Variants in NR3C2 observed in about 807,000 individuals in gnomAD.
NR3C2 encodes nuclear receptor subfamily 3 group C member 2.
NR3C2 carries 15 observed loss-of-function variants against 86.4 expected under a neutral mutation model. The ratio of observed to expected loss-of-function variants is 0.17; its 90% confidence interval spans 0.12 to 0.27. The LOEUF is 0.27. Among genes scored for constraint, NR3C2 ranks in the 10% least tolerant of loss-of-function variants. The pLI, the probability that NR3C2 is intolerant of heterozygous loss-of-function variation, is 1.00. For missense variants in NR3C2, 960 were observed against 1,195.6 expected (o/e 0.80, Z 2.91); for synonymous variants, 458 against 450.5 (o/e 1.02, Z -0.21).
intron 2 of NR3C2, among the ~76,000 whole-genome samples, chr4:148,422,657 TC>T (rs1444298762): frequency 2.6e-5 from 4 of 152,164 alleles, no homozygotes; most frequent in African/African-American, 9.7e-5. Context: ...CAAGCCTAGA[TC>T]TTGTATGCAT....
intron 3 of NR3C2, among the ~76,000 whole-genome samples, chr4:148,237,829 A>C (rs1463631497): frequency 6.6e-6 from 1 of 152,186 alleles, no homozygotes; most frequent in African/African-American, 2.4e-5. Flanking sequence ...ACCATTTCTG[A>C]ATGAACTTCC....
chr4:148,395,621 A>C (rs1747820277), intron 2 of NR3C2, among the ~76,000 whole-genome samples: 1 of 152,270 alleles, frequency 6.6e-6, no homozygotes, highest in African/African-American at 2.4e-5. Flanking sequence ...TCAGGCTATT[A>C]GAGCTTATTT....
intron 2 of NR3C2, among the ~76,000 whole-genome samples, chr4:148,338,051 C>G (rs549023645): frequency 6.6e-6 from 1 of 152,030 alleles, no homozygotes; most frequent in African/African-American, 2.4e-5. Context: ...TTAAATAAAA[C>G]GGGTCTCATT....
At chr4:148,194,942 A>T in intron 3 of NR3C2, 80 bp from the exon 4 acceptor site, 5 of 1,016,632 alleles carry the variant, frequency 4.9e-6, no homozygotes, top group Non-Finnish European at 7.6e-6. Flanking sequence ...AGAATATAAA[A>T]CTACTTCTTT....
chr4:148,145,674 G>A (rs1318410018), intron 6 of NR3C2, among the ~76,000 whole-genome samples: 2 of 152,206 alleles, frequency 1.3e-5, no homozygotes, highest in Non-Finnish European at 2.9e-5. Context: ...GCCACCTGCA[G>A]GGGGGTGCTG....
chr4:148,196,645 A>C (rs928507667), intron 3 of NR3C2, among the ~76,000 whole-genome samples: 9 of 152,236 alleles, frequency 5.9e-5, no homozygotes, highest in Non-Finnish European at 1.3e-4. Flanking sequence ...TGCATCACTT[A>C]ATGTAATTAA....
chr4:148,138,362 CAT>C (rs1369723175), intron 6 of NR3C2, among the ~76,000 whole-genome samples: 1 of 152,068 alleles, frequency 6.6e-6, no homozygotes, highest in Non-Finnish European at 1.5e-5. Context: ...TTGTGTTGTT[CAT>C]ATATTGGGTA....
At chr4:148,370,913 T>C (rs957966526) in intron 2 of NR3C2, among the ~76,000 whole-genome samples, 1 of 151,980 alleles carries the variant, frequency 6.6e-6, no homozygotes, top group Non-Finnish European at 1.5e-5. Context: ...TGGAGTACAG[T>C]AGCTATTCAG....
At chr4:148,330,192 A>T (rs1246982406) in intron 2 of NR3C2, among the ~76,000 whole-genome samples, 1 of 152,218 alleles carries the variant, frequency 6.6e-6, no homozygotes, top group Non-Finnish European at 1.5e-5. Flanking sequence ...CATAAGACTC[A>T]GCAAATAGTA....
intron 3 of NR3C2, among the ~76,000 whole-genome samples, chr4:148,248,877 C>T (rs1739441372): frequency 2.0e-5 from 3 of 152,142 alleles, no homozygotes; most frequent in South Asian, 2.1e-4. Flanking sequence ...TTATAAAGCA[C>T]TCCCTTGCTG....
intron 8 of NR3C2, among the ~76,000 whole-genome samples, chr4:148,104,342 G>GTTTTT (rs57175085): frequency 4.4e-4 from 28 of 63,778 alleles, no homozygotes; most frequent in Non-Finnish European, 6.5e-4. Context: ...TTTTGGTTTG[G>GTTTTT]TTTTTTTTTT....
At chr4:148,107,417 C>T (rs1233064260) in intron 8 of NR3C2, among the ~76,000 whole-genome samples, 1 of 152,172 alleles carries the variant, frequency 6.6e-6, no homozygotes, top group Non-Finnish European at 1.5e-5. Context: ...TTTAGTTCAA[C>T]CATTGTGGAA....
At chr4:148,424,885 A>G (rs1749454141) in intron 2 of NR3C2, among the ~76,000 whole-genome samples, 2 of 152,222 alleles carry the variant, frequency 1.3e-5, no homozygotes, top group Admixed American at 1.3e-4. Context: ...CTGAACACCA[A>G]AAAGAGTGAA....
At chr4:148,266,744 C>T (rs1357868479) in intron 2 of NR3C2, among the ~76,000 whole-genome samples, 1 of 152,112 alleles carries the variant, frequency 6.6e-6, no homozygotes, top group Admixed American at 6.5e-5. Context: ...CTGCAGAAGT[C>T]GGTGACCTTG....
At chr4:148,300,486 T>C (rs1742281355) in intron 2 of NR3C2, among the ~76,000 whole-genome samples, 2 of 152,330 alleles carry the variant, frequency 1.3e-5, no homozygotes, top group Admixed American at 1.3e-4. Context: ...ATAGGTATAT[T>C]TAAAAGGCCT....
chr4:148,270,188 C>T (rs1373508364), intron 2 of NR3C2, among the ~76,000 whole-genome samples: 9 of 151,458 alleles, frequency 5.9e-5, no homozygotes. Context: ...ATGTAATTAA[C>T]AAATCAAAGC....
chr4:148,231,510 A>G (rs1327611475), intron 3 of NR3C2, among the ~76,000 whole-genome samples: 1 of 152,174 alleles, frequency 6.6e-6, no homozygotes, highest in Non-Finnish European at 1.5e-5. Flanking sequence ...AAATCTACAC[A>G]CCTTAATTAA....
chr4:148,305,315 C>T (rs1410050188), intron 2 of NR3C2, among the ~76,000 whole-genome samples: 1 of 152,078 alleles, frequency 6.6e-6, no homozygotes, highest in Non-Finnish European at 1.5e-5. Flanking sequence ...GAATAAAACA[C>T]AGTCTTCTTT....
At chr4:148,321,296 A>C (rs1416082944) in intron 2 of NR3C2, among the ~76,000 whole-genome samples, 1 of 148,286 alleles carries the variant, frequency 6.7e-6, no homozygotes, top group Non-Finnish European at 1.5e-5. Flanking sequence ...CTTTACTTCC[A>C]ACTATGTGGT....
Sources: gnomAD v4.1 joint callset for allele counts (sites outside exome capture counted in the v4.1 genomes callset) on GRCh38, gnomAD v4.1.1 for gene constraint, MANE v1.5 for transcripts, NCBI Gene and HGNC (gene_info 2026-07-23, HGNC 2026-07-21) for gene names.